The following OPCML variants were observed in gnomAD, a reference collection of about 807,000 sequenced individuals.
OPCML encodes opioid-binding protein/cell adhesion molecule.
Under a neutral mutation model 37.8 loss-of-function variants are expected in OPCML, and 13 were observed. The ratio of observed to expected loss-of-function variants is 0.34; its 90% CI spans 0.22 to 0.55. The LOEUF is 0.55. Among genes scored for constraint, OPCML ranks in the 20% least tolerant of loss-of-function variants. OPCML has a pLI of 0.91. For missense variants in OPCML, 341 were observed against 435.6 expected, an observed-to-expected ratio of 0.78 and a Z score of 1.93; for synonymous variants, 176 against 168.8, an observed-to-expected ratio of 1.04 and a Z score of -0.33.
At chr11:132,496,866 G>T (rs368205977) in intron 4 of OPCML, among the ~76,000 whole-genome samples, 1 of 152,158 alleles carries the variant, frequency 6.6e-6, no homozygotes, top group Non-Finnish European at 1.5e-5. Flanking sequence ...TAGGTTTGAC[G>T]ATGCCCTACA....
chr11:133,367,754 C>T (rs1944577881), intron 1 of OPCML, among the ~76,000 whole-genome samples: 1 of 152,158 alleles, frequency 6.6e-6, no homozygotes, highest in Non-Finnish European at 1.5e-5. Context: ...TTAGCTTGTA[C>T]GTTCTGGCCC....
intron 1 of OPCML, among the ~76,000 whole-genome samples, chr11:133,072,052 G>A (rs371333523): frequency 6.6e-6 from 1 of 152,164 alleles, no homozygotes; most frequent in African/African-American, 2.4e-5. Context: ...TCGTGCACTT[G>A]TTTACCGTAC....
chr11:133,155,353 T>A (rs2137201564), intron 1 of OPCML, among the ~76,000 whole-genome samples: 1 of 152,294 alleles, frequency 6.6e-6, no homozygotes, highest in Middle Eastern at 3.4e-3. Context: ...TCTGTCGAGC[T>A]CTGAAGAGCT....
chr11:132,747,495 CAG>C (rs1945671594), intron 2 of OPCML, among the ~76,000 whole-genome samples: 2 of 152,268 alleles, frequency 1.3e-5, no homozygotes, highest in Admixed American at 6.5e-5. Context: ...GATCCCAACA[CAG>C]AGAAATTTTG....
At chr11:133,459,459 C>T (rs933453522) in intron 1 of OPCML, among the ~76,000 whole-genome samples, 2 of 151,916 alleles carry the variant, frequency 1.3e-5, no homozygotes, top group African/African-American at 4.8e-5. Context: ...AGAATCCAAG[C>T]ATATCCTATA....
chr11:132,613,311 G>T (rs554858893), intron 3 of OPCML, among the ~76,000 whole-genome samples: 1 of 152,300 alleles, frequency 6.6e-6, no homozygotes, highest in South Asian at 2.1e-4. Context: ...ACAAAAGGAG[G>T]AGCTCATTGT....
intron 1 of OPCML, among the ~76,000 whole-genome samples, chr11:133,307,699 G>T (rs1014621597): frequency 2.0e-5 from 3 of 152,042 alleles, no homozygotes; most frequent in Admixed American, 6.6e-5. Flanking sequence ...TAGCAAACTG[G>T]GATTGAACTC....
chr11:133,356,627 G>C (rs1455590039), intron 1 of OPCML, among the ~76,000 whole-genome samples: 9 of 152,096 alleles, frequency 5.9e-5, no homozygotes, highest in Non-Finnish European at 4.4e-5. Context: ...GGCACTTTTA[G>C]ACTTGAGAAA....
rs565678109 is a variant in OPCML, at chr11:132,943,114, A to C, written c.62-104T>G. On this transcript the variant is annotated intron_variant, in intron 1 of 7. Transcript: ENST00000524381. This position sits in a 1 kb window ranked among gnomAD's most constrained non-coding sequence, Gnocchi z 4.3. The stretch of plus-strand genomic sequence containing the variant: ...CCATTCTCGACAGCCACAACTTCCC[A>C]GGACTCCGGCAGCCGCACAGTCCTG... The C allele has an allele frequency of 3.3e-4, 528 of 1,614,016 alleles. 3 individuals carry two copies. The highest frequency in any genetic ancestry group is 1.5e-3 in the Middle Eastern group (9 of 6,058).
intron 1 of OPCML, among the ~76,000 whole-genome samples, chr11:133,247,400 A>G (rs1940964071): frequency 6.6e-6 from 1 of 152,194 alleles, no homozygotes; most frequent in Non-Finnish European, 1.5e-5. Context: ...AAAGATACAC[A>G]GTTTCTCCCT....
At chr11:132,825,641 GAAGGCGGGTTGA>G (rs1408629582) in intron 2 of OPCML, among the ~76,000 whole-genome samples, 1 of 152,180 alleles carries the variant, frequency 6.6e-6, no homozygotes, top group African/African-American at 2.4e-5. Flanking sequence ...TTGCCACTTG[GAAGGCGGGTTGA>G]AAATACAACT....
chr11:132,613,116 G>C (rs1024584292), intron 3 of OPCML, among the ~76,000 whole-genome samples: 5 of 152,240 alleles, frequency 3.3e-5, no homozygotes, highest in African/African-American at 4.8e-5. Context: ...AGTGTCATGA[G>C]ATGAGCTGCT....
intron 1 of OPCML, among the ~76,000 whole-genome samples, chr11:133,109,608 A>G (rs1251754973): frequency 6.6e-6 from 1 of 152,118 alleles, no homozygotes; most frequent in African/African-American, 2.4e-5. Context: ...ATCCTCTTGT[A>G]AGAAAAGTTC....
rs536586337 is a variant in OPCML at position 133,004,060 on chromosome 11, C to A, written c.62-61050G>T. ...GAAATGCCAGCTGGGAAGGAGGAAG[C>A]GAAGAGGCAAAGAGCAGGGGCTGGC... is the stretch of plus-strand genomic sequence containing the variant. On this transcript the variant is annotated intron_variant, in intron 1 of 7. Transcript: ENST00000524381. 8.1e-6 allele frequency: 8 copies of A among 985,236 alleles called. No homozygotes were observed. In the South Asian group the frequency reaches 3.8e-4, roughly 46 times the overall value. The allele number at this position is 985,236 out of a possible 1,614,324, so 61.0% of individuals were successfully genotyped here.
chr11:132,714,843 T>G (rs1327191266), intron 2 of OPCML, among the ~76,000 whole-genome samples: 4 of 152,156 alleles, frequency 2.6e-5, no homozygotes, highest in Non-Finnish European at 5.9e-5. Context: ...CAGTTATATT[T>G]TATTCCAGCT....
At chr11:132,898,664 TCA>T (rs1161409951) in intron 2 of OPCML, among the ~76,000 whole-genome samples, 1 of 152,160 alleles carries the variant, frequency 6.6e-6, no homozygotes, top group Admixed American at 6.5e-5. Context: ...GAGTCAGGAA[TCA>T]CAGAGTGGGA....
chr11:132,511,133 T>C (rs564928393), intron 4 of OPCML, among the ~76,000 whole-genome samples: 157 of 152,164 alleles, frequency 1.0e-3, no homozygotes, highest in Non-Finnish European at 1.8e-3. Flanking sequence ...GTAGGCAAGG[T>C]CAATATAAAA....
At chr11:133,372,013 G>A (rs1407784425) in intron 1 of OPCML, among the ~76,000 whole-genome samples, 1 of 152,120 alleles carries the variant, frequency 6.6e-6, no homozygotes, top group Non-Finnish European at 1.5e-5. Context: ...GATACCAGAG[G>A]CTGAGAAGGG....
At chr11:132,820,242 T>C (rs1939902292) in intron 2 of OPCML, among the ~76,000 whole-genome samples, 1 of 152,188 alleles carries the variant, frequency 6.6e-6, no homozygotes, top group Non-Finnish European at 1.5e-5. Flanking sequence ...ATGCAAGTCC[T>C]GATAATCCTA....
Sources: allele counts gnomAD v4.1 joint callset (sites outside exome capture counted in the v4.1 genomes callset), GRCh38; gene constraint gnomAD v4.1.1; non-coding constraint Gnocchi (gnomAD v3.1); transcripts MANE v1.5; gene names NCBI Gene and HGNC (gene_info 2026-07-23, HGNC 2026-07-21).